Variants in MACF1 observed in about 807,000 individuals in gnomAD.
MACF1 encodes the protein microtubule actin crosslinking factor 1.
A neutral mutation model predicts 854.8 loss-of-function variants in MACF1; 193 were observed. The observed-to-expected ratio is 0.23, with a 90% CI of 0.20 to 0.25. MACF1 has a LOEUF of 0.25. Among genes scored for constraint, MACF1 ranks in the 10% least tolerant of loss-of-function variants. The pLI is 1.00. For missense variants in MACF1, 7,722 were observed against 8,929.1 expected (o/e 0.86, Z 5.45); for synonymous variants, 3,185 against 3,226.7 (o/e 0.99, Z 0.44).
intron 93 of MACF1, among the ~76,000 whole-genome samples, chr1:39,462,544 C>G (rs977444097): frequency 2.2e-4 from 9 of 40,118 alleles, no homozygotes; most frequent in Non-Finnish European, 3.9e-4. Context: ...GTCTGTCCCC[C>G]CCGCCAAAAA....
Position 39,105,731 on chromosome 1 carries a change from C to G in MACF1, c.220+21293C>G, listed in dbSNP as rs1049351306. 2.6e-6 allele frequency: 3 copies of G among 1,133,710 alleles called. No individual in the cohort carries two copies. The Admixed American group carries it at 9.3e-5, about 35-fold the overall frequency. 70.2% of individuals were successfully genotyped at this position (1,133,710 alleles called of 1,614,324 possible). A position where few individuals can be genotyped will look rare whatever the true frequency, so the allele number is the denominator to read the frequency against. ...AGCGGTACAAAGGTAGGGCCGGGGA[C>G]TGGCCGGCGCTGAGGCCCGCGGGCC... is the stretch of plus-strand genomic sequence containing the variant. On this transcript the variant is annotated intron_variant, in intron 2 of 93. Transcript: ENST00000361689. The surrounding 1 kb of genome is among the most constrained non-coding windows in gnomAD (Gnocchi z 5.9).
At chr1:39,461,374 C>T (rs918672452) in intron 92 of MACF1, among the ~76,000 whole-genome samples, 2 of 152,024 alleles carry the variant, frequency 1.3e-5, no homozygotes, top group Non-Finnish European at 2.9e-5. Flanking sequence ...ATGTTTATGC[C>T]TTTTGGTATA....
At chr1:39,453,960 CA>C in intron 88 of MACF1, 110 bp downstream of exon 88, 1 of 1,309,716 alleles carries the variant, frequency 7.6e-7, no homozygotes, top group South Asian at 1.5e-5. Context: ...GTGAATAACT[CA>C]GCAAAAATTA....
At position 39,443,315 on chromosome 1, in the gene MACF1, A is replaced by T. The variant is rs959348611; in HGVS notation, c.19303-131A>T. On this transcript the variant is annotated intron_variant, in intron 78 of 100. Transcript: ENST00000564288. Reference sequence around the variant, plus strand: ...AATATTGGCCCCATGCTAATCTAGCAACAGAACAGCTTTGCCAGAGAGCAG... The same window carrying T: ...AATATTGGCCCCATGCTAATCTAGCTACAGAACAGCTTTGCCAGAGAGCAG... 7 of 873,694 alleles carry T rather than the reference A, an allele frequency of 8.0e-6. No individual in the cohort carries two copies. The African/African-American group carries it at 1.0e-4, about 13-fold the overall frequency. 54.1% of individuals were successfully genotyped at this position (873,694 alleles called of 1,614,324 possible).
intron 63 of MACF1, among the ~76,000 whole-genome samples, chr1:39,428,747 T>G (rs1221341361): frequency 6.6e-6 from 1 of 152,242 alleles, no homozygotes; most frequent in Non-Finnish European, 1.5e-5. Context: ...GTTTGCCTTT[T>G]TCATTTCATT....
At chr1:39,162,593 A>G (rs1428318933) in intron 2 of MACF1, among the ~76,000 whole-genome samples, 3 of 152,150 alleles carry the variant, frequency 2.0e-5, no homozygotes, top group Non-Finnish European at 4.4e-5. Context: ...AGAGCATATC[A>G]CATTATGTTT....
At position 39,314,395 on chromosome 1, in the gene MACF1, G is replaced by A. The variant is rs1381120974; in HGVS notation, c.3271-1118G>A. On this transcript the variant is annotated intron_variant, in intron 26 of 100. Coordinates refer to ENST00000564288, the MANE Select transcript of MACF1 (RefSeq NM_001394062.1). ...TTGCACTCCACCCTGGGCAACAAGA[G>A]CGAAACTCTGTCTCAAGAAAAAAAA... is the stretch of plus-strand genomic sequence containing the variant. Among the ~76,000 whole-genome samples, 3 of 151,584 alleles carry A rather than the reference G, an allele frequency of 2.0e-5. 1 individual carries two copies. Among genetic ancestry groups the A allele is most frequent in the Non-Finnish European group, 4.4e-5 (3 of 67,964 alleles).
At chr1:39,485,489 C>T in intron 100 of MACF1, 49 bp from the exon 101 acceptor site, 1 of 1,522,538 alleles carries the variant, frequency 6.6e-7, no homozygotes, top group Middle Eastern at 1.7e-4. Flanking sequence ...CTTGTTCTTC[C>T]ACCCCATGCC....
At position 39,444,678 on chromosome 1, in the gene MACF1, T is replaced by C. The variant is rs201860067; in HGVS notation, c.19448T>C (p.Leu6483Pro). 1.2e-6 allele frequency: 2 copies of C among 1,611,942 alleles called. No homozygotes were observed. Among genetic ancestry groups the C allele is most frequent in the Non-Finnish European group, 1.7e-6 (2 of 1,178,814 alleles). ...LDTHMELYSQ[L>P]KAKEETYNQL... ...TTCTTGTAGGAACTCTATTCCCAGCTGAAAGCCAAGGAAGAGACTTATAAT... is the reference window on the plus strand; with the variant it reads ...TTCTTGTAGGAACTCTATTCCCAGCCGAAAGCCAAGGAAGAGACTTATAAT... Residue 6483 changes from leucine to proline, a missense_variant, in exon 80 of 101, where the codon CTG (leucine) becomes CCG (proline). Leu to Pro is a moderately conservative substitution (Grantham distance 98). This residue lies in a region of MACF1 where 729 missense variants were observed against 900.5 expected (regional missense o/e 0.81). Transcript: ENST00000564288.
intron 58 of MACF1, among the ~76,000 whole-genome samples, chr1:39,402,671 C>G (rs1051123259): frequency 2.0e-5 from 3 of 152,108 alleles, no homozygotes; most frequent in Non-Finnish European, 4.4e-5. Context: ...CACTGCTTAT[C>G]CTTAACCCCC....
intron 2 of MACF1, 101 bp downstream of exon 2, chr1:39,231,344 T>C (rs1054859420): frequency 2.4e-5 from 26 of 1,091,538 alleles, no homozygotes; most frequent in Non-Finnish European, 3.2e-5. Flanking sequence ...TGCTGTGTGC[T>C]CAAGTCTATG....
At chr1:39,161,652 G>A (rs1159104816) in intron 2 of MACF1, among the ~76,000 whole-genome samples, 3 of 151,884 alleles carry the variant, frequency 2.0e-5, no homozygotes, top group East Asian at 1.9e-4. Context: ...GGATCACAAC[G>A]TCAGGAGTTT....
At chr1:39,309,245 T>G (rs915469223) in intron 23 of MACF1, among the ~76,000 whole-genome samples, 2 of 151,968 alleles carry the variant, frequency 1.3e-5, no homozygotes, top group African/African-American at 4.8e-5. Flanking sequence ...AGATCTCAAT[T>G]AATTAATGTA....
At chr1:39,428,870 G>A (rs1213035328) in intron 63 of MACF1, among the ~76,000 whole-genome samples, 2 of 152,102 alleles carry the variant, frequency 1.3e-5, no homozygotes, top group Admixed American at 6.6e-5. Flanking sequence ...TCTGATTTAA[G>A]TCAGTCTGTT....
Position 39,293,508 on chromosome 1 carries a change from T to C in MACF1, c.2043T>C (p.Val681=), listed in dbSNP as rs763635536. The C allele has an allele frequency of 1.9e-6, 3 of 1,614,024 alleles. No homozygotes were observed. The highest frequency in any genetic ancestry group is 2.5e-6 in the Non-Finnish European group (3 of 1,179,926). The change falls in exon 18 of 101, where the codon GTT becomes GTC. Residue 681 remains valine (V), a synonymous_variant. Transcript: ENST00000564288. ...ACCTTCAGAGCCTGCATAAATTTGT[T>C]TCCAGAGCTACAGCTGAGTTGATCT... is the stretch of plus-strand genomic sequence containing the variant. ...MRHLQSLHKF[V]SRATAELIWL...
rs763091084 is a variant in MACF1 at position 39,382,069 on chromosome 1, A to G, written c.13765A>G (p.Met4589Val). The change falls in exon 56 of 101, where the codon ATG becomes GTG. Residue 4589 changes from methionine (M) to valine (V), a missense_variant. Physicochemically the swap from Met to Val is conservative, Grantham distance 21. This residue lies in a region of MACF1 where 2,807 missense variants were observed against 3,235.8 expected (regional missense o/e 0.87). Transcript: ENST00000564288. ...AGAATCCCAGCTCCGGCCGTGGCTG[A>G]TGGAGAAAGAACTGATGATGGGAGT... ...AAESQLRPWL[M>V]EKELMMGVLG... 6.2e-7 allele frequency: 1 copy of G among 1,614,160 alleles called. No individual in the cohort carries two copies. Among genetic ancestry groups the G allele is most frequent in the Admixed American group, 1.7e-5 (1 of 60,022 alleles).
At chr1:39,438,767 A>AT (rs1046359568) in intron 71 of MACF1, among the ~76,000 whole-genome samples, 3 of 150,224 alleles carry the variant, frequency 2.0e-5, no homozygotes, top group African/African-American at 7.4e-5. Context: ...GACAGAGTGA[A>AT]ATTCCCTCTC....
intron 2 of MACF1, among the ~76,000 whole-genome samples, chr1:39,234,525 G>GC (rs1325645853): frequency 7.8e-5 from 10 of 127,916 alleles, no homozygotes; most frequent in African/African-American, 2.9e-4. Flanking sequence ...TCCCGGACGG[G>GC]GCGGCTGGCC....
chr1:39,484,282 T>C (rs191164261), intron 99 of MACF1, among the ~76,000 whole-genome samples: 14 of 152,374 alleles, frequency 9.2e-5, no homozygotes, highest in Non-Finnish European at 8.8e-5. Context: ...CTTTTTCCTT[T>C]ACTCATTCAC....
Sources: allele counts gnomAD v4.1 joint callset (sites outside exome capture counted in the v4.1 genomes callset), GRCh38; gene constraint gnomAD v4.1.1; regional missense constraint gnomAD v4.1.1; non-coding constraint Gnocchi (gnomAD v3.1); transcripts MANE v1.5; gene names NCBI Gene and HGNC (gene_info 2026-07-23, HGNC 2026-07-21).